NAV2: variants seen among roughly 807,000 people sequenced by gnomAD.
The protein encoded by NAV2 is helicase, APC down-regulated 1.
Under a neutral mutation model 223.2 loss-of-function variants are expected in NAV2, and 54 were observed. The ratio of observed to expected loss-of-function variants is 0.24; its 90% CI spans 0.19 to 0.30. The LOEUF is 0.30. Among genes scored for constraint, NAV2 ranks in the 10% least tolerant of loss-of-function variants. NAV2 has a pLI of 1.00. For missense variants in NAV2, 2,806 were observed against 3,147.5 expected (o/e 0.89, Z 2.60); for synonymous variants, 1,279 against 1,239.3 (o/e 1.03, Z -0.67).
intron 28 of NAV2, 130 bp downstream of exon 28, chr11:20,092,498 T>C (rs2060922075): frequency 5.5e-6 from 5 of 903,352 alleles, no homozygotes; most frequent in Non-Finnish European, 8.4e-6. Context: ...GCACTTGGGG[T>C]GTGTATGTGT....
At chr11:19,811,837 C>T (rs1215136849) in intron 1 of NAV2, among the ~76,000 whole-genome samples, 1 of 151,820 alleles carries the variant, frequency 6.6e-6, no homozygotes, top group Non-Finnish European at 1.5e-5. Context: ...GGTAAGCAGT[C>T]AAAAAAAATA....
chr11:19,511,899 C>T (rs1339190772), intron 1 of NAV2, among the ~76,000 whole-genome samples: 1 of 152,198 alleles, frequency 6.6e-6, no homozygotes, highest in Non-Finnish European at 1.5e-5. Context: ...ACCCAGGACA[C>T]ATCAAGCCCA....
At chr11:19,777,500 A>G (rs1288352153) in intron 1 of NAV2, 5 of 454,834 alleles carry the variant, frequency 1.1e-5, no homozygotes, top group South Asian at 7.8e-5. Context: ...GGAACAGAAT[A>G]ACACCACCAT....
At chr11:19,820,231 T>C (rs910731328) in intron 1 of NAV2, among the ~76,000 whole-genome samples, 1 of 152,246 alleles carries the variant, frequency 6.6e-6, no homozygotes, top group Admixed American at 6.5e-5. Context: ...ATGTCTGCTG[T>C]CAATAAGTGT....
chr11:19,979,817 G>A (rs558212124), intron 10 of NAV2, among the ~76,000 whole-genome samples: 1 of 152,264 alleles, frequency 6.6e-6, no homozygotes, highest in East Asian at 1.9e-4. Flanking sequence ...ATCCTATGAG[G>A]GAACTTAAAC....
chr11:19,582,650 A>G lies in NAV2; in HGVS notation c.75+231623A>G, dbSNP rs192186864. Among the ~76,000 whole-genome samples, 375 of 152,262 alleles carry G rather than the reference A, an allele frequency of 2.5e-3. 5 individuals are homozygous for G. The highest frequency in any genetic ancestry group is 8.8e-3 in the African/African-American group (365 of 41,534). ...CCTTTTGCCATTTCTAGTTTTTTTC[A>G]GGTTTGTCAAAGATCAGATAGTTGT... On this transcript the variant is annotated intron_variant, in intron 1 of 37. Coordinates refer to the NAV2 transcript ENST00000360655.
intron 1 of NAV2, among the ~76,000 whole-genome samples, chr11:19,474,898 G>A (rs1044654467): frequency 2.6e-5 from 4 of 152,192 alleles, no homozygotes; most frequent in African/African-American, 4.8e-5. Flanking sequence ...CACAAGCCCC[G>A]TCTCATCTGC....
chr11:19,583,825 G>C (rs188812272), intron 1 of NAV2, among the ~76,000 whole-genome samples: 64 of 152,248 alleles, frequency 4.2e-4, no homozygotes, highest in Admixed American at 3.7e-3. Context: ...CAGGGATATT[G>C]GTCTAAAATT....
At chr11:20,005,540 C>A (rs141801923) in intron 11 of NAV2, among the ~76,000 whole-genome samples, 6,479 of 148,772 alleles carry the variant, frequency 0.044, 263 homozygotes, top group Admixed American at 0.079. Flanking sequence ...GCCACTGCAC[C>A]CAGCCCAGTC....
intron 1 of NAV2, among the ~76,000 whole-genome samples, chr11:19,538,279 C>T (rs1590448443): frequency 1.3e-5 from 2 of 152,340 alleles, no homozygotes; most frequent in Admixed American, 6.5e-5. Flanking sequence ...ACCTTTGCCT[C>T]TTCCCTGAGC....
At chr11:20,049,977 G>C (rs1162308974) in intron 16 of NAV2, 76 bp downstream of exon 16, 13 of 1,439,914 alleles carry the variant, frequency 9.0e-6, no homozygotes, top group Admixed American at 3.4e-5. Context: ...CAGATGTCTT[G>C]TGCGAGGCTG....
At chr11:20,022,973 A>C in intron 11 of NAV2, 1 of 1,388,378 alleles carries the variant, frequency 7.2e-7, no homozygotes, top group Non-Finnish European at 9.8e-7. Context: ...CTAGTCCTTT[A>C]GTTACAGAGT....
intron 1 of NAV2, among the ~76,000 whole-genome samples, chr11:19,400,422 A>T (rs146847013): frequency 6.6e-6 from 1 of 152,272 alleles, no homozygotes; most frequent in African/African-American, 2.4e-5. Context: ...ACCTTCCTTC[A>T]ATCTCCTGGA....
chr11:19,667,522 G>T (rs934017309), intron 1 of NAV2, among the ~76,000 whole-genome samples: 6 of 152,182 alleles, frequency 3.9e-5, no homozygotes, highest in Non-Finnish European at 5.9e-5. Context: ...GTGTTGTGGG[G>T]CCCAGGGTTT....
At chr11:19,994,475 G>T (rs1591577697) in intron 11 of NAV2, among the ~76,000 whole-genome samples, 2 of 152,084 alleles carry the variant, frequency 1.3e-5, no homozygotes, top group Middle Eastern at 6.8e-3. Flanking sequence ...TGAACCGGGA[G>T]GTGGAGGTTG....
rs10522565 is a variant in NAV2 at position 19,695,887 on chromosome 11, TAATAA to T, written c.76-136570_76-136566del. ...CCAGTGTACTCCAGCCTGGATGAAA[TAATAA>T]AATAAAATAAAATAAAATAAAATAA... On this transcript the variant is annotated intron_variant, in intron 1 of 37. Coordinates refer to the NAV2 transcript ENST00000360655. Among the ~76,000 whole-genome samples, 11 of 52,884 alleles carry T rather than the reference TAATAA, an allele frequency of 2.1e-4. 1 individual carries two copies. Among genetic ancestry groups the T allele is most frequent in the East Asian group, 6.4e-4 (1 of 1,568 alleles). 34.7% of individuals were successfully genotyped at this position (52,884 alleles called of 152,430 possible). A position where few individuals can be genotyped will look rare whatever the true frequency, so the allele number is the denominator to read the frequency against.
At chr11:19,533,341 C>A (rs2044085447) in intron 1 of NAV2, among the ~76,000 whole-genome samples, 1 of 152,030 alleles carries the variant, frequency 6.6e-6, no homozygotes, top group Non-Finnish European at 1.5e-5. Context: ...CCATCCCCAG[C>A]TGAGATGACC....
intron 1 of NAV2, among the ~76,000 whole-genome samples, chr11:19,421,635 G>A (rs1281632068): frequency 6.6e-6 from 1 of 152,082 alleles, no homozygotes; most frequent in East Asian, 1.9e-4. Context: ...TGTGATATGA[G>A]GATATGGCAA....
At position 20,013,376 on chromosome 11, in the gene NAV2, G is replaced by A. The variant is rs80060365; in HGVS notation, c.2769-22583G>A. On this transcript the variant is annotated intron_variant, in intron 11 of 37. Transcript: ENST00000349880. ...ACAGTTTTTCTCTTAGAGACTAATG[G>A]TCAAATGGAAGGAGTTTAATTCTTA... 1.6e-3 allele frequency among the ~76,000 whole-genome samples: 248 copies of A among 152,240 alleles called. 1 individual carries two copies. Among genetic ancestry groups the A allele is most frequent in the Admixed American group, 2.9e-3 (45 of 15,288 alleles).
Sources: allele counts gnomAD v4.1 joint callset (sites outside exome capture counted in the v4.1 genomes callset), GRCh38; gene constraint gnomAD v4.1.1; transcripts MANE v1.5; gene names NCBI Gene and HGNC (gene_info 2026-07-23, HGNC 2026-07-21).